The following ANKHD1 variants were observed in gnomAD, a reference collection of about 807,000 sequenced individuals.
The protein encoded by ANKHD1 is ankyrin repeat and KH domain containing 1, also known as ankyrin repeat and KH domain-containing protein 1.
In ANKHD1, 31 loss-of-function variants were observed where a neutral mutation model predicts 230.5. The ratio of observed to expected loss-of-function variants is 0.13; its 90% CI spans 0.10 to 0.18. The LOEUF is 0.18. ANKHD1 is among the 10% of genes least tolerant of loss of function. The pLI is 1.00. For synonymous variants in ANKHD1, 1,074 were observed against 1,117.6 expected, an observed-to-expected ratio of 0.96 and a Z score of 0.78; for missense variants, 2,256 against 3,071.3, an observed-to-expected ratio of 0.73 and a Z score of 6.27.
chr5:140,499,369 T>C (rs929964246), intron 15 of ANKHD1, among the ~76,000 whole-genome samples: 1 of 152,100 alleles, frequency 6.6e-6, no homozygotes, highest in African/African-American at 2.4e-5. Flanking sequence ...AGGACAAATA[T>C]ATAATTAATT....
chr5:140,407,446 C>T (rs981243572), intron 1 of ANKHD1, among the ~76,000 whole-genome samples: 1 of 150,818 alleles, frequency 6.6e-6, no homozygotes, highest in Non-Finnish European at 1.5e-5. Context: ...GCTCTGTCAC[C>T]CAGGCTGGAA....
chr5:140,455,087 T>G (rs958314942), intron 7 of ANKHD1, among the ~76,000 whole-genome samples: 5 of 152,116 alleles, frequency 3.3e-5, no homozygotes, highest in Non-Finnish European at 7.4e-5. Context: ...TATAAACACC[T>G]CTATGCAAAT....
At chr5:140,530,180 GTTT>G (rs931083267) in intron 29 of ANKHD1, among the ~76,000 whole-genome samples, 2 of 151,676 alleles carry the variant, frequency 1.3e-5, no homozygotes, top group African/African-American at 2.4e-5. Context: ...ATAGCTATTT[GTTT>G]TTTATGTATT....
chr5:140,449,066 TA>T, intron 6 of ANKHD1, 144 bp from the exon 7 acceptor site: 1 of 879,646 alleles, frequency 1.1e-6, no homozygotes, highest in Non-Finnish European at 1.7e-6. Flanking sequence ...ATGGGCTTTG[TA>T]AAACTGTTAC....
At chr5:140,515,690 A>G (rs1215620746) in intron 24 of ANKHD1, among the ~76,000 whole-genome samples, 2 of 152,200 alleles carry the variant, frequency 1.3e-5, no homozygotes, top group Non-Finnish European at 2.9e-5. Flanking sequence ...GGTCAGACTG[A>G]CACCTCACAC....
intron 1 of ANKHD1, 99 bp downstream of exon 1, chr5:140,402,372 C>A: frequency 7.3e-7 from 1 of 1,362,824 alleles, no homozygotes; most frequent in Non-Finnish European, 9.4e-7. Context: ...CCTGGTGGAG[C>A]CCTTCTGTGA....
Position 140,497,020 on chromosome 5 carries a change from C to T in ANKHD1, c.2746C>T (p.Pro916Ser). The T allele has an allele frequency of 6.2e-7, 1 of 1,614,152 alleles. No individual in the cohort carries two copies. Among genetic ancestry groups the T allele is most frequent in the Non-Finnish European group, 8.5e-7 (1 of 1,180,008 alleles). The change falls in exon 15 of 34, where the codon CCA (proline) becomes TCA (serine). Residue 916 changes from proline (P) to serine (S), a missense_variant. Physicochemically the swap from Pro to Ser is moderately conservative, Grantham distance 74. Transcript: ENST00000360839. ...DNDVDDEQQS[P>S]PSAEQIDFVP... ...TGATGTTGATGATGAGCAACAGTCT[C>T]CACCATCGGCAGAACAGATTGATTT...
intron 9 of ANKHD1, among the ~76,000 whole-genome samples, chr5:140,461,886 T>C (rs1246494172): frequency 6.6e-6 from 1 of 152,158 alleles, no homozygotes; most frequent in Non-Finnish European, 1.5e-5. Flanking sequence ...TGTATGTATG[T>C]GTTTAGTGAC....
At chr5:140,526,689 G>C (rs934043728) in intron 26 of ANKHD1, among the ~76,000 whole-genome samples, 5 of 81,364 alleles carry the variant, frequency 6.1e-5, no homozygotes, top group African/African-American at 1.9e-4. Flanking sequence ...TGCATGCTTT[G>C]ATTTTATCTA....
intron 11 of ANKHD1, chr5:140,484,838 G>A (rs898785273): frequency 4.7e-6 from 1 of 214,326 alleles, no homozygotes; most frequent in Non-Finnish European, 8.9e-6. Flanking sequence ...ACTAAAACCA[G>A]TTTGGAAGTC....
At chr5:140,521,486 T>C (rs533116413) in intron 24 of ANKHD1, among the ~76,000 whole-genome samples, 1 of 152,160 alleles carries the variant, frequency 6.6e-6, no homozygotes, top group African/African-American at 2.4e-5. Flanking sequence ...AAAAATAAAT[T>C]AAAATAAATT....
chr5:140,474,631 T>G (rs1379021037), intron 10 of ANKHD1, among the ~76,000 whole-genome samples: 4 of 148,732 alleles, frequency 2.7e-5, no homozygotes, highest in African/African-American at 9.9e-5. Context: ...TGGTCTCACT[T>G]TGTCGCTCAG....
chr5:140,487,360 C>T (rs917671242), intron 14 of ANKHD1, among the ~76,000 whole-genome samples: 13 of 152,096 alleles, frequency 8.5e-5, no homozygotes, highest in Non-Finnish European at 1.9e-4. Flanking sequence ...ATCAGACATT[C>T]ATTTTTCATT....
intron 29 of ANKHD1, among the ~76,000 whole-genome samples, chr5:140,531,675 CTGCTT>C (rs1753828667): frequency 6.6e-6 from 1 of 152,088 alleles, no homozygotes; most frequent in South Asian, 2.1e-4. Flanking sequence ...AATGGTACAT[CTGCTT>C]TGGAAAAACA....
chr5:140,404,967 C>CTGTGTGTGTGTGTG (rs35692572), intron 1 of ANKHD1, among the ~76,000 whole-genome samples: 5 of 134,832 alleles, frequency 3.7e-5, no homozygotes, highest in Non-Finnish European at 8.1e-5. Flanking sequence ...CTGTGCATGT[C>CTGTGTGTGTGTGTG]TGTGTGTGTG....
At position 140,538,075 on chromosome 5, in the gene ANKHD1, ATTC is replaced by A. The variant is rs765555304; in HGVS notation, c.7229-8_7229-6del. On this transcript the variant is annotated splice_region_variant and splice_polypyrimidine_tract_variant and intron_variant, in intron 31 of 33. Transcript: ENST00000360839. The stretch of plus-strand genomic sequence containing the variant: ...TAAATTTAAAACTTTGTTTTCAATT[ATTC>A]TTTCCAGAAGGCTTATCAGGTTGGT... 2.5e-6 allele frequency: 4 copies of A among 1,592,530 alleles called. No individual in the cohort carries two copies. Among genetic ancestry groups the A allele is most frequent in the Admixed American group, 1.8e-5 (1 of 55,282 alleles).
Position 140,436,180 on chromosome 5 carries a change from G to A in ANKHD1, c.383G>A (p.Ser128Asn), listed in dbSNP as rs1205957478. 1.2e-6 allele frequency: 2 copies of A among 1,610,654 alleles called. No homozygotes were observed. Among genetic ancestry groups the A allele is most frequent in the African/African-American group, 1.3e-5 (1 of 74,708 alleles). ...LKTTSEIFLS[S>N]TAEGADLRTV... ...ACAACATCAGAGATATTCTTATCAA[G>A]TACTGCAGAAGGAGCAGACTTACGC... The change falls in exon 2 of 34, where the codon AGT becomes AAT. Residue 128 changes from serine (S) to asparagine (N), a missense_variant. By Grantham distance (46) the Ser-to-Asn change is conservative (BLOSUM62 1). Coordinates refer to ENST00000360839, the MANE Select transcript of ANKHD1 (RefSeq NM_017747.3).
chr5:140,485,636 T>C lies in ANKHD1; in HGVS notation c.2046T>C (p.Asn682=). 6.2e-7 allele frequency: 1 copy of C among 1,614,066 alleles called. No individual in the cohort carries two copies. Among genetic ancestry groups the C allele is most frequent in the East Asian group, 2.2e-5 (1 of 44,854 alleles). The part of the protein sequence containing the change: ...LIEAAKGGHT[N]VVSYLLDYPN... ...AAGCTGCAAAGGGTGGCCATACTAATGTAGTTTCTTATCTGTTGGATTATC... is the reference window on the plus strand; with the variant it reads ...AAGCTGCAAAGGGTGGCCATACTAACGTAGTTTCTTATCTGTTGGATTATC... Residue 682 remains asparagine, a synonymous_variant, in exon 13 of 34, where the codon AAT becomes AAC. Transcript: ENST00000360839. The surrounding 1 kb of genome is among the most constrained non-coding windows in gnomAD (Gnocchi z 4.8).
intron 32 of ANKHD1, among the ~76,000 whole-genome samples, chr5:140,538,696 A>G (rs1187782100): frequency 2.6e-5 from 4 of 152,200 alleles, no homozygotes; most frequent in Non-Finnish European, 4.4e-5. Flanking sequence ...TGATGATTTC[A>G]TATTGGATTT....
Sources: gnomAD v4.1 joint callset for allele counts (sites outside exome capture counted in the v4.1 genomes callset) on GRCh38, gnomAD v4.1.1 for gene constraint, Gnocchi (gnomAD v3.1) non-coding constraint, MANE v1.5 for transcripts, NCBI Gene and HGNC (gene_info 2026-07-23, HGNC 2026-07-21) for gene names.